ARHGEF28: variants seen among roughly 807,000 people sequenced by gnomAD.
ARHGEF28 encodes the protein 190 kDa guanine nucleotide exchange factor.
A neutral mutation model predicts 206.6 loss-of-function variants in ARHGEF28; 152 were observed. The observed-to-expected ratio is 0.74, with a 90% CI of 0.64 to 0.84. The LOEUF (loss-of-function observed/expected upper bound fraction) is 0.84, where lower values mean the gene tolerates loss of function less well. Among genes scored for constraint, ARHGEF28 ranks in the 40% least tolerant of loss-of-function variants. The pLI is 0.00. For missense variants in ARHGEF28, 2,028 were observed against 2,073.2 expected, an observed-to-expected ratio of 0.98 and a Z score of 0.42; for synonymous variants, 763 against 776.4, an observed-to-expected ratio of 0.98 and a Z score of 0.29.
At chr5:73,832,238 AT>A in intron 9 of ARHGEF28, 99 bp from the exon 10 acceptor site, 2 of 1,400,934 alleles carry the variant, frequency 1.4e-6, no homozygotes, top group Non-Finnish European at 1.9e-6. Context: ...CTCTTAAAAA[AT>A]GCACTTGACT....
In ARHGEF28 at chr5:73,773,667, CT is replaced by C. The variant is rs1753366537; in HGVS notation, c.476-187del. The stretch of plus-strand genomic sequence containing the variant: ...CCTGGCCCCAGCACCTACTGCCTAC[CT>C]GGGCATTCACAAAAATCTTGAACTC... On this transcript the variant is annotated intron_variant, in intron 4 of 35. Coordinates refer to ENST00000513042, the MANE Select transcript of ARHGEF28 (RefSeq NM_001177693.2). Among the ~76,000 whole-genome samples the C allele has an allele frequency of 3.9e-5, 6 of 152,308 alleles. No homozygotes were observed. The South Asian group carries it at 1.2e-3, about 32-fold the overall frequency.
At chr5:73,800,666 C>A (rs115107752) in intron 9 of ARHGEF28, among the ~76,000 whole-genome samples, 3,134 of 151,978 alleles carry the variant, frequency 0.021, 123 homozygotes, top group African/African-American at 0.07. Flanking sequence ...AAAGAAAAAA[C>A]CCGTCTAGAG....
chr5:73,866,883 A>G (rs1365996070), intron 18 of ARHGEF28, among the ~76,000 whole-genome samples: 5 of 152,196 alleles, frequency 3.3e-5, no homozygotes, highest in Admixed American at 2.6e-4. Context: ...TCCATGTAAC[A>G]AAGTGTGACT....
At chr5:73,910,171 G>T (rs1762807521) in intron 34 of ARHGEF28, among the ~76,000 whole-genome samples, 1 of 151,794 alleles carries the variant, frequency 6.6e-6, no homozygotes, top group South Asian at 2.1e-4. Flanking sequence ...ACCTGAGGTT[G>T]GGAGTTCGAG....
intron 2 of ARHGEF28, among the ~76,000 whole-genome samples, chr5:73,737,525 T>TTCTTTTCTTTTCTTTTCTTTTCTTTTC (rs1751065348): frequency 6.9e-6 from 1 of 145,120 alleles, no homozygotes; most frequent in Non-Finnish European, 1.5e-5. Flanking sequence ...TTCTTTTCTT[T>TTCTTTTCTTTTCTTTTCTTTTCTTTTC]TTTGTGATGG....
chr5:73,634,329 A>AG (rs1743560106), intron 1 of ARHGEF28, among the ~76,000 whole-genome samples: 1 of 152,162 alleles, frequency 6.6e-6, no homozygotes, highest in South Asian at 2.1e-4. Context: ...ATCTCCTCAT[A>AG]AAGATATATA....
rs79395576 is a variant in ARHGEF28 at position 73,934,667 on chromosome 5, C to T, written c.4949-6177C>T. Among the ~76,000 whole-genome samples the T allele has an allele frequency of 3.2e-3, 489 of 152,290 alleles. 2 individuals carry two copies. The highest frequency in any genetic ancestry group is 0.02 in the East Asian group (103 of 5,184). On this transcript the variant is annotated intron_variant, in intron 35 of 35. Transcript: ENST00000513042. ...TCCAGCTATGTTACATGGAACACAACGCTGTCGGGTACACTGTGAGAAAAG... is the reference window on the plus strand; with the variant it reads ...TCCAGCTATGTTACATGGAACACAATGCTGTCGGGTACACTGTGAGAAAAG...
At chr5:73,825,990 AAGAGTGGAG>A (rs1390674610) in intron 9 of ARHGEF28, among the ~76,000 whole-genome samples, 1 of 152,056 alleles carries the variant, frequency 6.6e-6, no homozygotes, top group Non-Finnish European at 1.5e-5. Flanking sequence ...TAACCAAGGG[AAGAGTGGAG>A]AGAGTGGAGT....
intron 26 of ARHGEF28, among the ~76,000 whole-genome samples, chr5:73,888,531 C>T (rs1160239488): frequency 6.6e-6 from 1 of 152,158 alleles, no homozygotes. Context: ...CATGTAGGAA[C>T]AGGAAACAAA....
chr5:73,832,767 TCTC>T (rs1757377389), intron 10 of ARHGEF28, among the ~76,000 whole-genome samples: 1 of 152,076 alleles, frequency 6.6e-6, no homozygotes. Flanking sequence ...GCAACCAATG[TCTC>T]CTCTACAGCT....
chr5:73,689,310 C>T (rs1426411398), intron 2 of ARHGEF28, among the ~76,000 whole-genome samples: 1 of 152,112 alleles, frequency 6.6e-6, no homozygotes, highest in Non-Finnish European at 1.5e-5. Flanking sequence ...TTCCTGAACT[C>T]AGCCACAGAT....
chr5:73,792,797 T>C lies in ARHGEF28; in HGVS notation c.911-1605T>C, dbSNP rs1411889259. On this transcript the variant is annotated intron_variant, in intron 7 of 35. Coordinates refer to ENST00000513042, the MANE Select transcript of ARHGEF28 (RefSeq NM_001177693.2). ...TGGTAGGTGCTTCACATCAATTTTC[T>C]GCATCTATGTAGTGGGACAAAAATG... Among the ~76,000 whole-genome samples, 5 of 152,346 alleles carry C rather than the reference T, an allele frequency of 3.3e-5. No homozygotes were observed. The East Asian group carries it at 9.6e-4, about 29-fold the overall frequency.
intron 9 of ARHGEF28, among the ~76,000 whole-genome samples, chr5:73,807,484 ATTCT>A (rs1755580407): frequency 6.8e-6 from 1 of 146,050 alleles, no homozygotes; most frequent in East Asian, 2.0e-4. Context: ...TGACAATGTA[ATTCT>A]TTTTTTTTTT....
intron 1 of ARHGEF28, among the ~76,000 whole-genome samples, chr5:73,665,108 G>A (rs1369137841): frequency 6.6e-6 from 1 of 152,012 alleles, no homozygotes; most frequent in Non-Finnish European, 1.5e-5. Flanking sequence ...GGATAGCAGT[G>A]GTCTCTTACT....
chr5:73,798,533 C>T (rs1439072500), intron 9 of ARHGEF28, among the ~76,000 whole-genome samples: 1 of 152,136 alleles, frequency 6.6e-6, no homozygotes, highest in Non-Finnish European at 1.5e-5. Flanking sequence ...GACTTATGGC[C>T]CCATTCTCTG....
chr5:73,762,475 A>AT, intron 4 of ARHGEF28, among the ~76,000 whole-genome samples: 1 of 145,102 alleles, frequency 6.9e-6, no homozygotes, highest in South Asian at 2.1e-4. Flanking sequence ...AAAAAAAAAA[A>AT]CAAAACAACA....
At chr5:73,704,264 ACAT>A (rs1748792639) in intron 2 of ARHGEF28, among the ~76,000 whole-genome samples, 1 of 152,110 alleles carries the variant, frequency 6.6e-6, no homozygotes, top group Admixed American at 6.5e-5. Flanking sequence ...TAACTAAAGG[ACAT>A]CATCTACCTG....
At chr5:73,792,173 A>G (rs1028153505) in intron 7 of ARHGEF28, among the ~76,000 whole-genome samples, 1 of 152,220 alleles carries the variant, frequency 6.6e-6, no homozygotes, top group Admixed American at 6.5e-5. Context: ...AAGACTTTCT[A>G]CATTTAAGTT....
chr5:73,648,072 G>A (rs1210460317), intron 1 of ARHGEF28, among the ~76,000 whole-genome samples: 1 of 152,142 alleles, frequency 6.6e-6, no homozygotes, highest in Non-Finnish European at 1.5e-5. Flanking sequence ...ATCAAAAGTT[G>A]TAATATTTTA....
Sources: allele counts gnomAD v4.1 joint callset (sites outside exome capture counted in the v4.1 genomes callset), GRCh38; gene constraint gnomAD v4.1.1; transcripts MANE v1.5; gene names NCBI Gene and HGNC (gene_info 2026-07-23, HGNC 2026-07-21).